The following MYO16 variants were observed in gnomAD, a reference collection of about 807,000 sequenced individuals.
MYO16 encodes unconventional myosin-XVI.
In MYO16, 94 loss-of-function variants were observed where a neutral mutation model predicts 205.3. The observed-to-expected ratio is 0.46, with a 90% CI of 0.39 to 0.54. The LOEUF is 0.54. MYO16 is among the 20% of genes least tolerant of loss of function. MYO16 has a pLI of 0.00. For synonymous variants in MYO16, 988 were observed against 954.0 expected, an observed-to-expected ratio of 1.04 and a Z score of -0.66; for missense variants, 2,315 against 2,387.5, an observed-to-expected ratio of 0.97 and a Z score of 0.63.
At chr13:109,134,445 C>A (rs1199129044) in intron 31 of MYO16, among the ~76,000 whole-genome samples, 3 of 152,192 alleles carry the variant, frequency 2.0e-5, no homozygotes, top group Non-Finnish European at 4.4e-5. Flanking sequence ...CCCTCTCAGG[C>A]TCTGGGTGTC....
chr13:108,845,310 C>T lies in MYO16; in HGVS notation c.1248+817C>T, dbSNP rs74881847. On this transcript the variant is annotated intron_variant, in intron 10 of 34. Transcript: ENST00000457511. ...ATTTTAGCAGGTGTATTCATCTGCT[C>T]AAGCTGCCATGACAAAACACCACAG... 9.7e-3 allele frequency among the ~76,000 whole-genome samples: 1,482 copies of T among 152,270 alleles called. 26 individuals carry two copies. Among genetic ancestry groups the T allele is most frequent in the African/African-American group, 0.034 (1,429 of 41,540 alleles).
intron 3 of MYO16, among the ~76,000 whole-genome samples, chr13:108,720,136 G>T (rs1486373862): frequency 6.6e-6 from 1 of 152,160 alleles, no homozygotes; most frequent in Non-Finnish European, 1.5e-5. Flanking sequence ...ATAATCTGGA[G>T]TATAATATTT....
intron 11 of MYO16, among the ~76,000 whole-genome samples, chr13:108,862,888 G>T (rs1594352426): frequency 6.6e-6 from 1 of 151,808 alleles, no homozygotes; most frequent in African/African-American, 2.4e-5. Context: ...TTGATTTTTT[G>T]GTATAGAAGT....
At chr13:108,550,469 G>T in the MYO16 span, among the ~76,000 whole-genome samples, 19 of 152,186 alleles carry the variant, frequency 1.2e-4, no homozygotes, top group Non-Finnish European at 2.4e-4. Context: ...AAGAAAGTAT[G>T]AAAGTAGTTT....
In MYO16 at chr13:108,950,249, G is replaced by T. The variant is rs78639116; in HGVS notation, c.1926-7439G>T. On this transcript the variant is annotated intron_variant, in intron 16 of 34. Transcript: ENST00000457511. ...AGACTTCATTAAAAATATCAGACAAGGTTCAGGCTGGGAGAAAATATTGCA... is the reference window on the plus strand; with the variant it reads ...AGACTTCATTAAAAATATCAGACAATGTTCAGGCTGGGAGAAAATATTGCA... Among the ~76,000 whole-genome samples the T allele has an allele frequency of 6.7e-3, 1,026 of 152,140 alleles. 10 individuals carry two copies. The highest frequency in any genetic ancestry group is 0.022 in the African/African-American group (928 of 41,498).
At chr13:109,050,119 A>T (rs1248984852) in intron 24 of MYO16, among the ~76,000 whole-genome samples, 1 of 152,114 alleles carries the variant, frequency 6.6e-6, no homozygotes, top group East Asian at 1.9e-4. Context: ...CTCATATCTA[A>T]TCCAGAATTC....
Position 109,206,657 on chromosome 13 carries a change from G to T in MYO16, c.5464G>T (p.Glu1822Ter). 6.2e-7 allele frequency: 1 copy of T among 1,614,066 alleles called. No homozygotes were observed. Among genetic ancestry groups the T allele is most frequent in the Non-Finnish European group, 8.5e-7 (1 of 1,179,960 alleles). ...AGAGAATGAAAGTGTGGCCCTGCAG[G>T]AACTCTTGGACTGGAGGAGAAAGCT... ...LSENESVALQ[E>*]LLDWRRKLCE... The change falls in exon 35 of 35, where the codon GAA becomes TAA. Residue 1822 changes from glutamate (E) to a stop codon, truncating the protein, a stop_gained. Transcript: ENST00000457511. LOFTEE classifies it high-confidence loss of function.
chr13:108,573,528 C>T, the MYO16 span, among the ~76,000 whole-genome samples: 1 of 152,098 alleles, frequency 6.6e-6, no homozygotes, highest in Non-Finnish European at 1.5e-5. Context: ...GCAAAATTAT[C>T]ATGGTAGGAA....
chr13:109,204,373 G>A (rs1880518069), intron 34 of MYO16, among the ~76,000 whole-genome samples: 1 of 152,188 alleles, frequency 6.6e-6, no homozygotes, highest in Non-Finnish European at 1.5e-5. Context: ...TATGCTGAGT[G>A]TGTGCCAAGG....
chr13:108,949,337 G>A (rs965630205), intron 16 of MYO16, among the ~76,000 whole-genome samples: 5 of 152,182 alleles, frequency 3.3e-5, no homozygotes, highest in African/African-American at 4.8e-5. Context: ...TGAGTTCAGC[G>A]ATTGACAGGA....
the MYO16 span, among the ~76,000 whole-genome samples, chr13:108,566,217 T>A: frequency 6.6e-6 from 1 of 152,182 alleles, no homozygotes; most frequent in Non-Finnish European, 1.5e-5. Flanking sequence ...GTCATTGGTC[T>A]GTTCAGATAA....
chr13:108,517,729 A>G, the MYO16 span, among the ~76,000 whole-genome samples: 1 of 152,140 alleles, frequency 6.6e-6, no homozygotes, highest in South Asian at 2.1e-4. Context: ...GCTGCTCAGT[A>G]TTTTGTTTGT....
At chr13:108,899,597 A>G (rs1246297523) in intron 15 of MYO16, among the ~76,000 whole-genome samples, 2 of 152,128 alleles carry the variant, frequency 1.3e-5, no homozygotes, top group Non-Finnish European at 2.9e-5. Flanking sequence ...AACTGTCGTG[A>G]GCCTCAAGCT....
chr13:108,776,654 A>C (rs767803137), intron 4 of MYO16, among the ~76,000 whole-genome samples: 1 of 152,162 alleles, frequency 6.6e-6, no homozygotes, highest in Admixed American at 6.5e-5. Context: ...AAAACTGGAT[A>C]TTTTTAAAAA....
In MYO16 at chr13:108,712,741, G is replaced by A. The variant is rs759135797; in HGVS notation, c.363+10G>A. On this transcript the variant is annotated intron_variant, in intron 3 of 34. Coordinates refer to ENST00000457511, the MANE Select transcript of MYO16 (RefSeq NM_001198950.3). ...GTCCCTGCTCCATCTGGTAAGAACC[G>A]CGACAGTCAGTGCCAGTGCATGGGG... The A allele has an allele frequency of 5.0e-6, 8 of 1,609,978 alleles. No individual in the cohort carries two copies. In the South Asian group the frequency reaches 5.5e-5, roughly 11 times the overall value.
At chr13:108,890,147 T>C (rs978847725) in intron 14 of MYO16, among the ~76,000 whole-genome samples, 25 of 144,360 alleles carry the variant, frequency 1.7e-4, no homozygotes, top group African/African-American at 6.2e-4. Context: ...GTCTCCTGTG[T>C]TTCCCAAGCT....
intron 2 of MYO16, among the ~76,000 whole-genome samples, chr13:108,711,773 T>C: frequency 6.6e-6 from 1 of 152,214 alleles, no homozygotes; most frequent in Non-Finnish European, 1.5e-5. Context: ...TATGCCTCAG[T>C]GAGGAATGAG....
At chr13:108,521,255 G>A in the MYO16 span, among the ~76,000 whole-genome samples, 22 of 152,368 alleles carry the variant, frequency 1.4e-4, no homozygotes, top group African/African-American at 5.0e-4. Context: ...AGATTAGTGA[G>A]ACTAGAATAG....
At chr13:109,059,012 T>C (rs749445095) in intron 27 of MYO16, among the ~76,000 whole-genome samples, 2 of 152,170 alleles carry the variant, frequency 1.3e-5, no homozygotes, top group Non-Finnish European at 2.9e-5. Flanking sequence ...TAATATTTGA[T>C]CATGAGGTTG....
Sources: gnomAD v4.1 joint callset for allele counts (sites outside exome capture counted in the v4.1 genomes callset) on GRCh38, gnomAD v4.1.1 for gene constraint, MANE v1.5 for transcripts, NCBI Gene and HGNC (gene_info 2026-07-23, HGNC 2026-07-21) for gene names.